The following UNC79 variants were observed in gnomAD, a reference collection of about 807,000 sequenced individuals.
The protein encoded by UNC79 is unc-79 subunit of NALCN channel complex.
In UNC79, 37 loss-of-function variants were observed where a neutral mutation model predicts 283.1. That is an observed-to-expected ratio of 0.13 (90% confidence interval 0.10 to 0.17). The LOEUF (loss-of-function observed/expected upper bound fraction) is 0.17, where lower values mean the gene tolerates loss of function less well. Among genes scored for constraint, UNC79 ranks in the 10% least tolerant of loss-of-function variants. The probability of loss-of-function intolerance (pLI) is 1.00; values close to 1 mark genes in which losing one functional copy is unlikely to be tolerated. For synonymous variants in UNC79, 1,107 were observed against 1,200.2 expected (o/e 0.92, Z 1.61); for missense variants, 2,272 against 3,211.1 (o/e 0.71, Z 7.07).
intron 1 of UNC79, among the ~76,000 whole-genome samples, chr14:93,443,581 G>A (rs2056376609): frequency 6.6e-6 from 1 of 151,930 alleles, no homozygotes; most frequent in Admixed American, 6.6e-5. Flanking sequence ...ACACCACCAT[G>A]CCCGGCTAAT....
intron 11 of UNC79, among the ~76,000 whole-genome samples, chr14:93,532,924 A>G (rs1400235792): frequency 1.3e-5 from 2 of 152,170 alleles, no homozygotes; most frequent in African/African-American, 2.4e-5. Context: ...CTTGTATGCT[A>G]GAAATCTCAA....
At chr14:93,512,970 ACT>A (rs35511773) in intron 7 of UNC79, among the ~76,000 whole-genome samples, 2,073 of 151,828 alleles carry the variant, frequency 0.014, 55 homozygotes, top group African/African-American at 0.048. Flanking sequence ...TGTTGTAGAG[ACT>A]CTGAACTATT....
intron 27 of UNC79, among the ~76,000 whole-genome samples, chr14:93,614,841 A>G (rs1407513745): frequency 1.3e-5 from 2 of 152,096 alleles, no homozygotes; most frequent in South Asian, 2.1e-4. Flanking sequence ...TATTGCTCCC[A>G]ATGCCTCACT....
At chr14:93,473,854 C>T (rs2057654933) in intron 2 of UNC79, among the ~76,000 whole-genome samples, 1 of 152,080 alleles carries the variant, frequency 6.6e-6, no homozygotes. Flanking sequence ...TCCTTACTAA[C>T]CAGATAACAC....
intron 1 of UNC79, among the ~76,000 whole-genome samples, chr14:93,433,841 A>G (rs1184728574): frequency 6.6e-6 from 1 of 152,210 alleles, no homozygotes; most frequent in Non-Finnish European, 1.5e-5. Context: ...TTGAAATGTA[A>G]TGTATCACAG....
intron 27 of UNC79, among the ~76,000 whole-genome samples, chr14:93,613,323 TGA>T (rs949420030): frequency 1.7e-4 from 25 of 149,068 alleles, no homozygotes; most frequent in Middle Eastern, 3.5e-3. Flanking sequence ...TGTGTGTGTG[TGA>T]GAGAGAGAGA....
intron 43 of UNC79, 99 bp downstream of exon 46, chr14:93,686,760 G>T: frequency 3.8e-6 from 5 of 1,312,400 alleles, no homozygotes; most frequent in Middle Eastern, 2.3e-4. Flanking sequence ...ACCTGGGGAG[G>T]CAGCCGTGGC....
intron 2 of UNC79, among the ~76,000 whole-genome samples, chr14:93,473,701 A>G (rs78109909): frequency 0.015 from 2,354 of 152,314 alleles, 64 homozygotes; most frequent in African/African-American, 0.054. Flanking sequence ...TTTTCCTTTG[A>G]AAGCTCCTTG....
At chr14:93,467,587 T>C (rs1443379262) in intron 1 of UNC79, 84 bp from the exon 2 acceptor site, 8 of 1,238,372 alleles carry the variant, frequency 6.5e-6, no homozygotes, top group Non-Finnish European at 7.1e-6. Flanking sequence ...GTATGCCTAA[T>C]ACATATTACA....
intron 1 of UNC79, among the ~76,000 whole-genome samples, chr14:93,455,204 C>A (rs2056762508): frequency 6.6e-6 from 1 of 152,174 alleles, no homozygotes; most frequent in Admixed American, 6.5e-5. Context: ...CACAACCCTT[C>A]ATTTATGTCT....
intron 1 of UNC79, chr14:93,348,039 T>G: frequency 6.2e-7 from 1 of 1,609,474 alleles, no homozygotes; most frequent in Non-Finnish European, 8.5e-7. Context: ...AAATGGCTGT[T>G]GGACTTGTGG....
chr14:93,514,109 A>G (rs984751774), intron 7 of UNC79, among the ~76,000 whole-genome samples: 4 of 152,256 alleles, frequency 2.6e-5, no homozygotes, highest in Non-Finnish European at 4.4e-5. Flanking sequence ...ACAAGTCAGT[A>G]AGATTTAAAA....
intron 7 of UNC79, among the ~76,000 whole-genome samples, chr14:93,522,709 A>G (rs1284403892): frequency 1.3e-5 from 2 of 152,238 alleles, no homozygotes; most frequent in East Asian, 3.9e-4. Context: ...TTGTGCTCTA[A>G]AAATATGATC....
At chr14:93,549,683 GA>G (rs1197729473) in intron 14 of UNC79, among the ~76,000 whole-genome samples, 8 of 151,806 alleles carry the variant, frequency 5.3e-5, no homozygotes, top group Middle Eastern at 3.2e-3. Context: ...CCATGTGGTG[GA>G]AAAAAAAGAC....
intron 20 of UNC79, 147 bp downstream of exon 20, chr14:93,582,491 AT>A: frequency 8.2e-7 from 1 of 1,222,766 alleles, no homozygotes; most frequent in Non-Finnish European, 1.1e-6. Context: ...CTCCCAGCGG[AT>A]TATAAAATGA....
chr14:93,544,743 T>C (rs529622067), intron 14 of UNC79, among the ~76,000 whole-genome samples: 1 of 152,238 alleles, frequency 6.6e-6, no homozygotes, highest in East Asian at 1.9e-4. Flanking sequence ...AGATTAATGG[T>C]TGGGATAGAT....
rs200971530 is a variant in UNC79, at chr14:93,564,442, CGGAT to C, written c.1756-7448_1756-7445del. On this transcript the variant is annotated intron_variant, in intron 14 of 48. Transcript: ENST00000555664. ...GTGTGTTACCTATTGAGGTAGGTAA[CGGAT>C]GGAGAAGAAATTTGAGCTTTGGATG... Among the ~76,000 whole-genome samples, 1,299 of 152,206 alleles carry C rather than the reference CGGAT, an allele frequency of 8.5e-3. 4 individuals carry two copies. The highest frequency in any genetic ancestry group is 0.017 in the Admixed American group (260 of 15,298).
At chr14:93,623,857 C>T (rs1207610109) in intron 30 of UNC79, among the ~76,000 whole-genome samples, 4 of 152,192 alleles carry the variant, frequency 2.6e-5, no homozygotes, top group East Asian at 3.9e-4. Flanking sequence ...GGTGCCACTG[C>T]ACTCCAGCCT....
chr14:93,701,034 G>A (rs2075493107), intron 47 of UNC79, among the ~76,000 whole-genome samples: 1 of 152,038 alleles, frequency 6.6e-6, no homozygotes, highest in African/African-American at 2.4e-5. Flanking sequence ...CTCCTGTCCA[G>A]TACTCTACCT....
Sources: allele counts gnomAD v4.1 joint callset (sites outside exome capture counted in the v4.1 genomes callset), GRCh38; gene constraint gnomAD v4.1.1; transcripts MANE v1.5; gene names NCBI Gene and HGNC (gene_info 2026-07-23, HGNC 2026-07-21).